Variants in ACSBG2 observed in about 807,000 individuals in gnomAD.
ACSBG2 encodes the protein acyl-CoA synthetase bubblegum family member 2.
Under a neutral mutation model 74.7 loss-of-function variants are expected in ACSBG2, and 62 were observed. The ratio of observed to expected loss-of-function variants is 0.83; its 90% confidence interval spans 0.68 to 1.03. The LOEUF is 1.03. ACSBG2 is among the 50% of genes least tolerant of loss of function. ACSBG2 has a pLI of 0.00. For missense variants in ACSBG2, 730 were observed against 817.6 expected (o/e 0.89, Z 1.31); for synonymous variants, 309 against 294.1 (o/e 1.05, Z -0.52).
chr19:6,144,320 G>T (rs1243843024), intron 2 of ACSBG2, among the ~76,000 whole-genome samples: 1 of 152,188 alleles, frequency 6.6e-6, no homozygotes, highest in Non-Finnish European at 1.5e-5. Flanking sequence ...TAGTTAAAAT[G>T]ACGTCATGAG....
Position 6,147,551 on chromosome 19 carries a change from G to A in ACSBG2, c.173G>A (p.Arg58Gln), listed in dbSNP as rs534347073. Residue 58 changes from arginine (R) to glutamine (Q), a missense_variant, in exon 3 of 15, where the codon CGA becomes CAA. Coordinates refer to ENST00000588485, the MANE Select transcript of ACSBG2 (RefSeq NM_030924.5). ...ETPMTIPEFF[R>Q]ESVNRFGTYP... ...CCGATGACCATCCCTGAATTTTTTC[G>A]AGAGTCAGTCAACCGATTTGGAACT... The A allele has an allele frequency of 6.8e-6, 11 of 1,613,992 alleles. No individual in the cohort carries two copies. The highest frequency in any genetic ancestry group is 1.3e-5 in the African/African-American group (1 of 74,912).
chr19:6,158,039 G>T (rs185645308), intron 5 of ACSBG2, among the ~76,000 whole-genome samples: 2 of 146,408 alleles, frequency 1.4e-5, no homozygotes, highest in African/African-American at 5.0e-5. Context: ...GGAATGTTTG[G>T]TTACAATTTT....
rs2089686811 is a variant in ACSBG2 at position 6,163,311 on chromosome 19, A to G, written c.588+2016A>G. On this transcript the variant is annotated intron_variant, in intron 6 of 14. Coordinates refer to ENST00000588485, the MANE Select transcript of ACSBG2 (RefSeq NM_030924.5). The stretch of plus-strand genomic sequence containing the variant: ...AAAAAATACAAAAAATTAGCTGGGC[A>G]TGGTGGCATGCGCCTGTAGTCCCAG... Among the ~76,000 whole-genome samples the G allele has an allele frequency of 2.2e-5, 2 of 89,588 alleles. 1 individual carries two copies. Among genetic ancestry groups the G allele is most frequent in the Non-Finnish European group, 5.2e-5 (2 of 38,120 alleles). 58.8% of individuals were successfully genotyped at this position (89,588 alleles called of 152,430 possible). A position where few individuals can be genotyped will look rare whatever the true frequency, so the allele number is the denominator to read the frequency against.
rs147146464 is a variant in ACSBG2, at chr19:6,158,797, A to G, written c.507+2246A>G. On this transcript the variant is annotated intron_variant, in intron 5 of 14. Transcript: ENST00000588485. ...AATTTGGGTACAGTTTCCAGATTCA[A>G]TGAAATCCTAGCTAGACTCAGTGAA... is the stretch of plus-strand genomic sequence containing the variant. 9.5e-3 allele frequency among the ~76,000 whole-genome samples: 1,449 copies of G among 152,276 alleles called. 7 individuals carry two copies. The highest frequency in any genetic ancestry group is 0.044 in the Middle Eastern group (13 of 294).
intron 10 of ACSBG2, 50 bp downstream of exon 10, chr19:6,183,322 G>C: frequency 6.5e-7 from 1 of 1,541,152 alleles, no homozygotes; most frequent in Non-Finnish European, 8.9e-7. Context: ...ATGGGGTCAA[G>C]AGGGGGAAGG....
chr19:6,179,925 T>G (rs2090197474), intron 8 of ACSBG2, among the ~76,000 whole-genome samples: 1 of 152,138 alleles, frequency 6.6e-6, no homozygotes, highest in Non-Finnish European at 1.5e-5. Flanking sequence ...TTTATTATCT[T>G]ATAGTTCTGG....
chr19:6,162,401 T>C (rs1453567769), intron 6 of ACSBG2, among the ~76,000 whole-genome samples: 19 of 151,046 alleles, frequency 1.3e-4, no homozygotes, highest in Admixed American at 5.9e-4. Context: ...CCCGTCTCTA[T>C]TGAAAATACA....
intron 1 of ACSBG2, among the ~76,000 whole-genome samples, chr19:6,141,030 T>TAC (rs2088808667): frequency 6.6e-6 from 1 of 152,222 alleles, no homozygotes; most frequent in South Asian, 2.1e-4. Context: ...TTTGGATGTA[T>TAC]TGTCCACATC....
chr19:6,177,464 G>C, intron 8 of ACSBG2, 68 bp downstream of exon 8: 2 of 1,487,110 alleles, frequency 1.3e-6, no homozygotes, highest in East Asian at 4.7e-5. Context: ...GTAGATGGTT[G>C]TTAATCATTC....
chr19:6,184,697 T>C (rs932090433), intron 10 of ACSBG2, among the ~76,000 whole-genome samples: 5 of 151,404 alleles, frequency 3.3e-5, no homozygotes, highest in Admixed American at 6.6e-5. Context: ...TCTAAAGAGA[T>C]TGTAGTTGGT....
chr19:6,182,966 T>C, intron 9 of ACSBG2, 34 bp downstream of exon 9: 1 of 1,612,846 alleles, frequency 6.2e-7, no homozygotes, highest in Non-Finnish European at 8.5e-7. Flanking sequence ...GGGAGGGTAG[T>C]TGGTGAGGAG....
Position 6,151,636 on chromosome 19 carries a change from C to T in ACSBG2, c.298-71C>T, listed in dbSNP as rs566222913. Reference sequence around the variant, plus strand: ...TCCATGTGACTACCTTTGATTCTGTCGTCACATATCCTAATGATATAACAT... The same window carrying T: ...TCCATGTGACTACCTTTGATTCTGTTGTCACATATCCTAATGATATAACAT... On this transcript the variant is annotated intron_variant, in intron 3 of 14. Coordinates refer to ENST00000588485, the MANE Select transcript of ACSBG2 (RefSeq NM_030924.5). 26 of 1,426,874 alleles carry T rather than the reference C, an allele frequency of 1.8e-5. 1 individual carries two copies. The highest frequency in any genetic ancestry group is 1.7e-4 in the East Asian group (7 of 40,390). 88.4% of individuals were successfully genotyped at this position (1,426,874 alleles called of 1,614,324 possible).
At position 6,166,280 on chromosome 19, in the gene ACSBG2, T is replaced by TGTGTGTTTGTGTGTGTGTGTGTGTGTG. The variant is rs2089799967; in HGVS notation, c.738+265_738+266insGTGTGTTTGTGTGTGTGTGTGTGTGTG. ...GATTCCTCTGTGTGAGTCAGGAAGG[T>TGTGTGTTTGTGTGTGTGTGTGTGTGTG]TGTGTGTGTGTGTGTGTGTGTGTGT... On this transcript the variant is annotated intron_variant, in intron 7 of 14. Coordinates refer to ENST00000588485, the MANE Select transcript of ACSBG2 (RefSeq NM_030924.5). Among the ~76,000 whole-genome samples, 37 of 119,146 alleles carry TGTGTGTTTGTGTGTGTGTGTGTGTGTG rather than the reference T, an allele frequency of 3.1e-4. 1 individual carries two copies. The highest frequency in any genetic ancestry group is 1.2e-3 in the African/African-American group (33 of 26,574). The allele number at this position is 119,146 out of a possible 152,430, so 78.2% of individuals were successfully genotyped here. A position where few individuals can be genotyped will look rare whatever the true frequency, so the allele number is the denominator to read the frequency against.
intron 7 of ACSBG2, among the ~76,000 whole-genome samples, chr19:6,172,069 A>C (rs1042433394): frequency 1.3e-5 from 2 of 151,970 alleles, no homozygotes; most frequent in African/African-American, 4.8e-5. Flanking sequence ...TAATATATCT[A>C]TGTTGTATTT....
intron 4 of ACSBG2, among the ~76,000 whole-genome samples, chr19:6,155,033 C>T (rs1376766379): frequency 1.3e-5 from 2 of 152,194 alleles, no homozygotes; most frequent in African/African-American, 4.8e-5. Context: ...ACCCTTAGCA[C>T]AGTGCTTAGC....
At chr19:6,190,812 TACACAC>T (rs58730661) in intron 14 of ACSBG2, 120 bp downstream of exon 14, 4,271 of 336,620 alleles carry the variant, frequency 0.013, 94 homozygotes, top group African/African-American at 0.073. Flanking sequence ...CACACATACA[TACACAC>T]ACACACACAC....
chr19:6,181,525 CAAT>C (rs1568250400), intron 8 of ACSBG2, among the ~76,000 whole-genome samples: 1 of 152,052 alleles, frequency 6.6e-6, no homozygotes, highest in Non-Finnish European at 1.5e-5. Context: ...GTTGTTTCCT[CAAT>C]AATCTTTTGA....
Position 6,190,651 on chromosome 19 carries a change from C to T in ACSBG2, c.1995C>T (p.Tyr665=). The stretch of plus-strand genomic sequence containing the variant: ...ACAAAAAACAAATTGATCACATGTA[C>T]CACTGACTGCTTTGATGGAGCTGCT... ...QKYKKQIDHM[Y]H The change falls in exon 14 of 15, where the codon TAC becomes TAT. Residue 665 remains tyrosine (Y), a synonymous_variant. Transcript: ENST00000588485. 1 of 1,613,832 alleles carries T rather than the reference C, an allele frequency of 6.2e-7. No homozygotes were observed. Among genetic ancestry groups the T allele is most frequent in the South Asian group, 1.1e-5 (1 of 91,078 alleles).
At chr19:6,177,888 G>A (rs949891981) in intron 8 of ACSBG2, among the ~76,000 whole-genome samples, 1 of 151,110 alleles carries the variant, frequency 6.6e-6, no homozygotes, top group Non-Finnish European at 1.5e-5. Context: ...GTGTGTGTGT[G>A]TGTGTGTGTG....
Sources: gnomAD v4.1 joint callset for allele counts (sites outside exome capture counted in the v4.1 genomes callset) on GRCh38, gnomAD v4.1.1 for gene constraint, MANE v1.5 for transcripts, NCBI Gene and HGNC (gene_info 2026-07-23, HGNC 2026-07-21) for gene names.